The following SCN10A variants were observed in gnomAD, a reference collection of about 807,000 sequenced individuals.
The protein encoded by SCN10A is sodium channel protein type 10 subunit alpha.
A neutral mutation model predicts 170.7 loss-of-function variants in SCN10A; 162 were observed. The observed-to-expected ratio is 0.95, with a 90% CI of 0.84 to 1.08. The LOEUF (loss-of-function observed/expected upper bound fraction) is 1.08, where lower values mean the gene tolerates loss of function less well. Ranked by LOEUF, SCN10A falls within the 50% of genes least tolerant of loss-of-function variation. The pLI is 0.00. For synonymous variants in SCN10A, 985 were observed against 904.6 expected (o/e 1.09, Z -1.59); for missense variants, 2,527 against 2,436.9 (o/e 1.04, Z -0.78).
chr3:38,699,804 G>T (rs375012793), intron 27 of SCN10A, among the ~76,000 whole-genome samples: 52 of 152,072 alleles, frequency 3.4e-4, no homozygotes, highest in Non-Finnish European at 6.3e-4. Flanking sequence ...ATGGTTCCTC[G>T]TACTTGTAAC....
chr3:38,759,526 CCT>C (rs2063845120), intron 8 of SCN10A, among the ~76,000 whole-genome samples: 1 of 152,128 alleles, frequency 6.6e-6, no homozygotes, highest in Non-Finnish European at 1.5e-5. Flanking sequence ...GCCTATGAAG[CCT>C]CTAGTAAAGA....
chr3:38,770,510 T>C (rs2063986310), intron 5 of SCN10A, among the ~76,000 whole-genome samples: 1 of 152,012 alleles, frequency 6.6e-6, no homozygotes, highest in South Asian at 2.1e-4. Context: ...TGCTGTGCCA[T>C]AGAGTTCTCC....
chr3:38,723,838 G>A (rs1444543962), intron 18 of SCN10A, among the ~76,000 whole-genome samples: 4 of 152,124 alleles, frequency 2.6e-5, no homozygotes, highest in African/African-American at 7.2e-5. Context: ...ATGCTGCAGG[G>A]GCCTGCTGCC....
Position 38,698,264 on chromosome 3 carries a change from C to T in SCN10A, c.4956G>A (p.Leu1652=), listed in dbSNP as rs148256707. The change falls in exon 28 of 28, where the codon CTG becomes CTA. Residue 1652 remains leucine, a synonymous_variant. Transcript: ENST00000449082. ...CCGACGTGGTAATCTGGAAGAGGCACAGCATGCTGTTGGCGAAGGTCTGGA... is the reference window on the plus strand; with the variant it reads ...CCGACGTGGTAATCTGGAAGAGGCATAGCATGCTGTTGGCGAAGGTCTGGA... ...FNFQTFANSM[L]CLFQITTSAG... is the part of the protein sequence containing the mutation. 131 of 1,614,012 alleles carry T rather than the reference C, an allele frequency of 8.1e-5. No individual in the cohort carries two copies. The highest frequency in any genetic ancestry group is 1.1e-4 in the Non-Finnish European group (127 of 1,180,016).
At chr3:38,760,534 T>A in intron 8 of SCN10A, 147 bp downstream of exon 8, 1 of 666,298 alleles carries the variant, frequency 1.5e-6, no homozygotes, top group East Asian at 2.7e-5. Context: ...TCCCTCCCCA[T>A]GAGCTCTGGG....
At chr3:38,718,611 G>A in intron 21 of SCN10A, 42 bp downstream of exon 21, 2 of 1,604,956 alleles carry the variant, frequency 1.2e-6, no homozygotes, top group South Asian at 1.1e-5. Context: ...GGAGTCAGAG[G>A]GGAGGACCCC....
intron 21 of SCN10A, among the ~76,000 whole-genome samples, chr3:38,716,496 G>A (rs1217329899): frequency 6.6e-6 from 1 of 152,108 alleles, no homozygotes; most frequent in Non-Finnish European, 1.5e-5. Flanking sequence ...TGCCATGATT[G>A]TAAGGCTTCC....
Position 38,709,460 on chromosome 3 carries a change from C to A in SCN10A, c.4281+18G>T, listed in dbSNP as rs1166416656. 4 of 1,595,870 alleles carry A rather than the reference C, an allele frequency of 2.5e-6. No individual in the cohort carries two copies. The highest frequency in any genetic ancestry group is 2.6e-6 in the Non-Finnish European group (3 of 1,172,300). The stretch of plus-strand genomic sequence containing the variant: ...TTACCACTACAGCAGAAACCAGAAA[C>A]TCCTGAGCACCACTTATCTTTTTTT... On this transcript the variant is annotated intron_variant, in intron 25 of 27. Coordinates refer to ENST00000449082, the MANE Select transcript of SCN10A (RefSeq NM_006514.4).
intron 19 of SCN10A, 36 bp downstream of exon 19, chr3:38,723,394 A>G (rs1197975526): frequency 1.2e-6 from 2 of 1,613,116 alleles, no homozygotes; most frequent in Non-Finnish European, 1.7e-6. Context: ...GCCCTAATTA[A>G]CATCAGTGTG....
At chr3:38,719,666 T>G (rs912945376) in intron 20 of SCN10A, among the ~76,000 whole-genome samples, 1 of 152,144 alleles carries the variant, frequency 6.6e-6, no homozygotes, top group Non-Finnish European at 1.5e-5. Flanking sequence ...GTGCTGGGAT[T>G]ACAGGCGTGA....
In SCN10A at chr3:38,697,825, G is replaced by T. The variant is rs1318170890; in HGVS notation, c.5395C>A (p.His1799Asn). ...DLPLVPGDKI[H>N]CLDILFAFTK... ...AAAGCAAAAAGGATGTCCAAGCAGT[G>T]GATCTTATCTCCAGGGACCAAAGGC... The change falls in exon 28 of 28, where the codon CAC (histidine) becomes AAC (asparagine). Residue 1799 changes from histidine (H) to asparagine (N), a missense_variant. Physicochemically the swap from His to Asn is moderately conservative, Grantham distance 68. Transcript: ENST00000449082. 6.2e-7 allele frequency: 1 copy of T among 1,614,148 alleles called. No homozygotes were observed. Among genetic ancestry groups the T allele is most frequent in the South Asian group, 1.1e-5 (1 of 91,076 alleles).
At chr3:38,764,126 A>G (rs1376204619) in intron 5 of SCN10A, among the ~76,000 whole-genome samples, 3 of 152,238 alleles carry the variant, frequency 2.0e-5, no homozygotes, top group Admixed American at 2.0e-4. Flanking sequence ...GGATACACCC[A>G]TAAGCCCCAC....
At chr3:38,783,951 T>TA (rs987761304) in intron 4 of SCN10A, among the ~76,000 whole-genome samples, 1 of 152,034 alleles carries the variant, frequency 6.6e-6, no homozygotes, top group African/African-American at 2.4e-5. Context: ...CTCTTTGATT[T>TA]AAAAAAAGGT....
chr3:38,736,632 C>T (rs1009873105), intron 15 of SCN10A, among the ~76,000 whole-genome samples: 22 of 151,836 alleles, frequency 1.4e-4, no homozygotes, highest in African/African-American at 4.8e-4. Context: ...CGCAAAGAGG[C>T]AGAGGGAAAA....
At chr3:38,775,633 A>T (rs2064063531) in intron 4 of SCN10A, among the ~76,000 whole-genome samples, 1 of 152,194 alleles carries the variant, frequency 6.6e-6, no homozygotes, top group African/African-American at 2.4e-5. Flanking sequence ...TAGAACAAAA[A>T]GTCACTGAGT....
chr3:38,787,434 T>G (rs1434957372), intron 4 of SCN10A, among the ~76,000 whole-genome samples: 5 of 152,208 alleles, frequency 3.3e-5, no homozygotes, highest in Non-Finnish European at 5.9e-5. Flanking sequence ...GGATATTTTA[T>G]GTATACAATC....
At chr3:38,799,579 C>T (rs2064359530) in intron 1 of SCN10A, among the ~76,000 whole-genome samples, 2 of 152,176 alleles carry the variant, frequency 1.3e-5, no homozygotes, top group African/African-American at 4.8e-5. Flanking sequence ...GTCCCAGCTC[C>T]TTGAATACAT....
Position 38,763,483 on chromosome 3 carries a change from T to C in SCN10A, c.691+22A>G, listed in dbSNP as rs770875574. On this transcript the variant is annotated intron_variant, in intron 6 of 27. Coordinates refer to ENST00000449082, the MANE Select transcript of SCN10A (RefSeq NM_006514.4). ...GAGTTAGGCTGTGAAAACCAACATA[T>C]GCTCTGTGAATAAATGCTCACCTGG... 6 of 1,581,812 alleles carry C rather than the reference T, an allele frequency of 3.8e-6. No individual in the cohort carries two copies. The East Asian group carries it at 6.7e-5, about 18-fold the overall frequency.
intron 6 of SCN10A, among the ~76,000 whole-genome samples, chr3:38,761,858 GAGAGAGAA>G (rs369175449): frequency 2.2e-5 from 3 of 137,292 alleles, no homozygotes; most frequent in Admixed American, 7.4e-5. Flanking sequence ...GAGAGAGAGA[GAGAGAGAA>G]AGAGAGAGAG....
Sources: gnomAD v4.1 joint callset for allele counts (sites outside exome capture counted in the v4.1 genomes callset) on GRCh38, gnomAD v4.1.1 for gene constraint, MANE v1.5 for transcripts, NCBI Gene and HGNC (gene_info 2026-07-23, HGNC 2026-07-21) for gene names.